Variants in CLYBL observed in about 807,000 individuals in gnomAD.
The protein encoded by CLYBL is citramalyl-CoA lyase.
CLYBL carries 31 observed loss-of-function variants against 38.9 expected under a neutral mutation model. That is an observed-to-expected ratio of 0.80 (90% CI 0.60 to 1.08). The LOEUF (loss-of-function observed/expected upper bound fraction) is 1.08. CLYBL is among the 50% of genes least tolerant of loss of function. The pLI is 0.00. For missense variants in CLYBL, 434 were observed against 411.6 expected, an observed-to-expected ratio of 1.05 and a Z score of -0.47; for synonymous variants, 171 against 158.6, an observed-to-expected ratio of 1.08 and a Z score of -0.59.
At chr13:99,694,808 C>T (rs1358654067) in intron 1 of CLYBL, among the ~76,000 whole-genome samples, 1 of 152,184 alleles carries the variant, frequency 6.6e-6, no homozygotes, top group Non-Finnish European at 1.5e-5. Flanking sequence ...CTGGGTAGTT[C>T]TGTTTCAGAC....
downstream of CLYBL, among the ~76,000 whole-genome samples, chr13:99,897,676 T>C (rs1421930928): frequency 6.6e-6 from 1 of 152,214 alleles, no homozygotes; most frequent in Non-Finnish European, 1.5e-5. Flanking sequence ...TCGGGTGCAG[T>C]GACTTACGCC....
chr13:99,819,448 AT>A (rs1566340190), intron 2 of CLYBL, among the ~76,000 whole-genome samples: 1,426 of 86,258 alleles, frequency 0.017, 105 homozygotes, highest in African/African-American at 0.043. Context: ...ATATATATAT[AT>A]ATATATATAT....
chr13:99,832,827 A>C (rs1169223747), intron 2 of CLYBL, among the ~76,000 whole-genome samples: 1 of 151,006 alleles, frequency 6.6e-6, no homozygotes, highest in Non-Finnish European at 1.5e-5. Flanking sequence ...TGTTATATCA[A>C]ATCTGTTAAA....
chr13:99,646,352 G>T (rs568581203), intron 1 of CLYBL, among the ~76,000 whole-genome samples: 103 of 152,194 alleles, frequency 6.8e-4, no homozygotes, highest in African/African-American at 2.4e-3. Context: ...GGTTGCTGAA[G>T]GATGGAGCTC....
At chr13:99,778,999 G>A (rs1274584566) in intron 2 of CLYBL, among the ~76,000 whole-genome samples, 2 of 152,140 alleles carry the variant, frequency 1.3e-5, no homozygotes, top group Admixed American at 6.5e-5. Context: ...CAGGCAGGAG[G>A]GAGACAAAAA....
chr13:99,723,034 C>T (rs747821710), intron 1 of CLYBL, among the ~76,000 whole-genome samples: 4 of 152,280 alleles, frequency 2.6e-5, no homozygotes, highest in Non-Finnish European at 5.9e-5. Flanking sequence ...TTAATTCACA[C>T]TTCTCTGCTA....
intron 1 of CLYBL, among the ~76,000 whole-genome samples, chr13:99,751,477 TC>T (rs1454212399): frequency 1.3e-5 from 2 of 152,170 alleles, no homozygotes; most frequent in African/African-American, 4.8e-5. Flanking sequence ...TACCTCAGCC[TC>T]CCAAAGTGCT....
At chr13:99,878,346 G>T (rs977975136) in intron 7 of CLYBL, among the ~76,000 whole-genome samples, 4 of 152,106 alleles carry the variant, frequency 2.6e-5, no homozygotes, top group Non-Finnish European at 4.4e-5. Context: ...GAAAGAATAA[G>T]CCTGCATTAT....
intron 7 of CLYBL, among the ~76,000 whole-genome samples, chr13:99,874,014 T>C (rs558100224): frequency 6.6e-6 from 1 of 152,354 alleles, no homozygotes; most frequent in East Asian, 1.9e-4. Context: ...GCAGCGATTC[T>C]TGTGGCTGCT....
intron 7 of CLYBL, among the ~76,000 whole-genome samples, chr13:99,871,684 A>G (rs1179526406): frequency 6.6e-6 from 1 of 152,170 alleles, no homozygotes; most frequent in Non-Finnish European, 1.5e-5. Context: ...TTGCAGTGGT[A>G]ATGCACAATC....
At chr13:99,819,901 T>A (rs1343782040) in intron 2 of CLYBL, among the ~76,000 whole-genome samples, 3 of 152,176 alleles carry the variant, frequency 2.0e-5, no homozygotes, top group Non-Finnish European at 4.4e-5. Flanking sequence ...CTCACAGGTA[T>A]ACCTAGGAAT....
At chr13:99,804,755 A>G (rs2050198881) in intron 2 of CLYBL, among the ~76,000 whole-genome samples, 1 of 152,228 alleles carries the variant, frequency 6.6e-6, no homozygotes, top group African/African-American at 2.4e-5. Flanking sequence ...TTTTTAAAAA[A>G]GTGATAAAAT....
intron 4 of CLYBL, among the ~76,000 whole-genome samples, chr13:99,863,705 G>A (rs571226414): frequency 5.9e-5 from 9 of 152,280 alleles, no homozygotes; most frequent in East Asian, 1.9e-4. Context: ...GAGCTAGCTC[G>A]TTTTTTCTCG....
chr13:99,674,924 C>G (rs958126644), intron 1 of CLYBL, among the ~76,000 whole-genome samples: 9 of 152,180 alleles, frequency 5.9e-5, no homozygotes, highest in African/African-American at 2.2e-4. Context: ...ATTCCAGCCA[C>G]TCAGGAGACT....
At chr13:99,833,993 C>T (rs1009927209) in intron 2 of CLYBL, among the ~76,000 whole-genome samples, 2 of 152,010 alleles carry the variant, frequency 1.3e-5, no homozygotes, top group East Asian at 1.9e-4. Context: ...AGTCACCATG[C>T]GCAGCCCTGT....
chr13:99,774,334 A>G (rs1022979933), intron 2 of CLYBL, among the ~76,000 whole-genome samples: 2 of 152,186 alleles, frequency 1.3e-5, no homozygotes, highest in African/African-American at 4.8e-5. Context: ...GTTTTGCTCA[A>G]CTTTGTTTTC....
chr13:99,717,622 G>C (rs2048338177), intron 1 of CLYBL, among the ~76,000 whole-genome samples: 1 of 151,668 alleles, frequency 6.6e-6, no homozygotes, highest in South Asian at 2.1e-4. Context: ...ACCATGCCTG[G>C]CTAATTTTTG....
Position 99,719,027 on chromosome 13 carries a change from A to C in CLYBL, c.63-53797A>C, listed in dbSNP as rs369388354. On this transcript the variant is annotated intron_variant, in intron 1 of 8. Coordinates refer to ENST00000339105, the MANE Select transcript of CLYBL (RefSeq NM_206808.5). The stretch of plus-strand genomic sequence containing the variant: ...CTGGCTTATTTTGTATTTTTAGTAG[A>C]GATTTCTCCTACATGGGGTTTCTCC... Among the ~76,000 whole-genome samples the C allele has an allele frequency of 2.9e-4, 43 of 150,030 alleles. No homozygotes were observed. In the South Asian group the frequency reaches 8.8e-3, roughly 31 times the overall value.
At chr13:99,676,746 A>C (rs1173726250) in intron 1 of CLYBL, among the ~76,000 whole-genome samples, 1 of 151,860 alleles carries the variant, frequency 6.6e-6, no homozygotes, top group Non-Finnish European at 1.5e-5. Context: ...GGCATGCCCC[A>C]CCACTGGGTG....
Sources: allele counts gnomAD v4.1 joint callset (sites outside exome capture counted in the v4.1 genomes callset), GRCh38; gene constraint gnomAD v4.1.1; transcripts MANE v1.5; gene names NCBI Gene and HGNC (gene_info 2026-07-23, HGNC 2026-07-21).